The following PDHX variants were observed in gnomAD, a reference collection of about 807,000 sequenced individuals.
PDHX encodes the protein pyruvate dehydrogenase complex component X, also known as pyruvate dehydrogenase protein X component, mitochondrial.
Under a neutral mutation model 55.3 loss-of-function variants are expected in PDHX, and 33 were observed. That is an observed-to-expected ratio of 0.60 (90% CI 0.45 to 0.80). The LOEUF is 0.80. Ranked by LOEUF, PDHX falls within the 30% of genes least tolerant of loss-of-function variation. PDHX has a pLI of 0.00. For missense variants in PDHX, 622 were observed against 619.9 expected, an observed-to-expected ratio of 1.00 and a Z score of -0.04; for synonymous variants, 226 against 219.4, an observed-to-expected ratio of 1.03 and a Z score of -0.27.
In PDHX at chr11:34,931,427, C is replaced by A; in HGVS notation, c.184C>A (p.Pro62Thr). The A allele has an allele frequency of 6.2e-7, 1 of 1,603,186 alleles. No individual in the cohort carries two copies. ...LRGDPIKILM[P>T]SLSPTMEEGN... ...AGGTGATCCCATTAAGATACTAATG[C>A]CATCACTGTCTCCTACAATGGAAGA... Residue 62 changes from proline to threonine, a missense_variant, in exon 2 of 11, where the codon CCA (proline) becomes ACA (threonine). Transcript: ENST00000227868.
At chr11:34,950,078 A>G (rs1854719946) in intron 3 of PDHX, among the ~76,000 whole-genome samples, 1 of 152,032 alleles carries the variant, frequency 6.6e-6, no homozygotes, top group African/African-American at 2.4e-5. Context: ...TGTCATTGGT[A>G]TTTTTCTAAA....
At chr11:34,935,679 A>T (rs1854291460) in intron 2 of PDHX, among the ~76,000 whole-genome samples, 2 of 152,186 alleles carry the variant, frequency 1.3e-5, no homozygotes, top group Non-Finnish European at 2.9e-5. Context: ...GGATTGTTAG[A>T]CAGAAAAATA....
intron 1 of PDHX, among the ~76,000 whole-genome samples, chr11:34,923,812 C>T (rs1853954728): frequency 6.6e-6 from 1 of 152,096 alleles, no homozygotes; most frequent in Non-Finnish European, 1.5e-5. Flanking sequence ...TTGTTGAATG[C>T]CTGATTTGGC....
At chr11:34,964,054 G>C in intron 5 of PDHX, among the ~76,000 whole-genome samples, 1 of 152,308 alleles carries the variant, frequency 6.6e-6, no homozygotes, top group East Asian at 1.9e-4. Context: ...CAGTAGAGAA[G>C]GTTGTACCTG....
chr11:34,968,657 A>T, intron 6 of PDHX, among the ~76,000 whole-genome samples: 1 of 152,236 alleles, frequency 6.6e-6, no homozygotes. Context: ...AAATCCAAAT[A>T]GAAATAATTG....
intron 1 of PDHX, among the ~76,000 whole-genome samples, chr11:34,921,531 G>A (rs538659164): frequency 6.6e-6 from 1 of 152,342 alleles, no homozygotes; most frequent in African/African-American, 2.4e-5. Context: ...CTTTAAGAAA[G>A]TAGTTGAGAA....
upstream of PDHX, chr11:34,916,424 G>A (rs1853700546): frequency 6.7e-7 from 1 of 1,494,738 alleles, no homozygotes; most frequent in African/African-American, 1.4e-5. Context: ...ACGGGGCGGG[G>A]GCCGGGGTCT....
intron 2 of PDHX, among the ~76,000 whole-genome samples, chr11:34,938,663 G>A (rs1213907304): frequency 6.6e-6 from 1 of 152,168 alleles, no homozygotes; most frequent in East Asian, 1.9e-4. Flanking sequence ...TTATAGGTAA[G>A]CAGATGAGGG....
rs59491569 is a variant in PDHX, at chr11:34,944,956, T to C, written c.242-2550T>C. Among the ~76,000 whole-genome samples the C allele has an allele frequency of 3.1e-3, 466 of 152,286 alleles. 4 individuals carry two copies. Among genetic ancestry groups the C allele is most frequent in the African/African-American group, 0.011 (444 of 41,558 alleles). On this transcript the variant is annotated intron_variant, in intron 2 of 10. Coordinates refer to ENST00000227868, the MANE Select transcript of PDHX (RefSeq NM_003477.3). ...TTTTTGTGCATTTTTGTTTTTATCC[T>C]TTGCCTTTTCTTTCCATGTGCCTGC...
chr11:34,916,066 G>C (rs1312507491), upstream of PDHX: 11 of 943,476 alleles, frequency 1.2e-5, no homozygotes, highest in Admixed American at 2.9e-5. Context: ...CCTTGCTTCC[G>C]AACGCCAAGG....
At chr11:34,936,683 A>G (rs1018721777) in intron 2 of PDHX, among the ~76,000 whole-genome samples, 7 of 152,230 alleles carry the variant, frequency 4.6e-5, no homozygotes, top group Admixed American at 2.6e-4. Flanking sequence ...AGGATCTTGA[A>G]TGCCAATCTG....
At chr11:34,916,472 C>G, upstream of PDHX, 1 of 1,460,122 alleles carries the variant, frequency 6.8e-7, no homozygotes, top group Non-Finnish European at 9.0e-7. Context: ...AGCGGCGCAC[C>G]TGACTTCCCG....
intron 5 of PDHX, among the ~76,000 whole-genome samples, chr11:34,961,542 CGA>C (rs897538046): frequency 1.3e-4 from 20 of 152,006 alleles, no homozygotes; most frequent in African/African-American, 4.1e-4. Flanking sequence ...TTTTGTAAGT[CGA>C]GAGAGAGCAA....
At chr11:34,933,635 AC>A (rs1348179991) in intron 2 of PDHX, among the ~76,000 whole-genome samples, 1 of 152,146 alleles carries the variant, frequency 6.6e-6, no homozygotes, top group East Asian at 1.9e-4. Context: ...CGCAGTAAGC[AC>A]CCCTAGAACC....
intron 2 of PDHX, among the ~76,000 whole-genome samples, chr11:34,941,149 C>A (rs1208679574): frequency 6.6e-6 from 1 of 152,178 alleles, no homozygotes; most frequent in Non-Finnish European, 1.5e-5. Flanking sequence ...CTACTCATGC[C>A]TTCACCCCAT....
At chr11:34,930,285 T>G (rs1165104764) in intron 1 of PDHX, among the ~76,000 whole-genome samples, 1 of 152,216 alleles carries the variant, frequency 6.6e-6, no homozygotes, top group Non-Finnish European at 1.5e-5. Flanking sequence ...TACAGAAACT[T>G]TCTCTTAAAT....
chr11:34,962,999 C>G (rs1855052593), intron 5 of PDHX, among the ~76,000 whole-genome samples: 1 of 152,042 alleles, frequency 6.6e-6, no homozygotes, highest in African/African-American at 2.4e-5. Context: ...GCCTTTATTC[C>G]TTAACTCTCC....
chr11:34,917,772 T>C (rs1226290095), intron 1 of PDHX, among the ~76,000 whole-genome samples: 2 of 152,296 alleles, frequency 1.3e-5, no homozygotes, highest in African/African-American at 4.8e-5. Flanking sequence ...ATTTATTTCA[T>C]TTTTGGTGTA....
rs1854162944 is a variant in PDHX at position 34,931,422 on chromosome 11, T to G, written c.179T>G (p.Leu60Arg). 1.2e-6 allele frequency: 2 copies of G among 1,603,658 alleles called. No individual in the cohort carries two copies. Among genetic ancestry groups the G allele is most frequent in the East Asian group, 2.2e-5 (1 of 44,770 alleles). Reference sequence around the variant, plus strand: ...ATTTCAGGTGATCCCATTAAGATACTAATGCCATCACTGTCTCCTACAATG... The same window carrying G: ...ATTTCAGGTGATCCCATTAAGATACGAATGCCATCACTGTCTCCTACAATG... The part of the protein sequence containing the change: ...QWLRGDPIKI[L>R]MPSLSPTMEE... Residue 60 changes from leucine to arginine, a missense_variant, in exon 2 of 11, where the codon CTA becomes CGA. Coordinates refer to ENST00000227868, the MANE Select transcript of PDHX (RefSeq NM_003477.3).
Sources: allele counts gnomAD v4.1 joint callset (sites outside exome capture counted in the v4.1 genomes callset), GRCh38; gene constraint gnomAD v4.1.1; transcripts MANE v1.5; gene names NCBI Gene and HGNC (gene_info 2026-07-23, HGNC 2026-07-21).